The following RASGRP3 variants were observed in gnomAD, a reference collection of about 807,000 sequenced individuals.
RASGRP3 encodes RAS guanyl releasing protein 3, also known as ras guanyl-releasing protein 3.
A neutral mutation model predicts 82.7 loss-of-function variants in RASGRP3; 54 were observed. That is an observed-to-expected ratio of 0.65 (90% confidence interval 0.52 to 0.82). The LOEUF (loss-of-function observed/expected upper bound fraction) is 0.82. RASGRP3 is among the 40% of genes least tolerant of loss of function. The probability of loss-of-function intolerance (pLI) is 0.00; values close to 1 mark genes in which losing one functional copy is unlikely to be tolerated. For synonymous variants in RASGRP3, 309 were observed against 300.5 expected (o/e 1.03, Z -0.29); for missense variants, 861 against 828.9 (o/e 1.04, Z -0.48).
chr2:33,480,290 G>T (rs1005217022), intron 1 of RASGRP3, among the ~76,000 whole-genome samples: 3 of 152,088 alleles, frequency 2.0e-5, no homozygotes, highest in African/African-American at 7.2e-5. Flanking sequence ...TGATCCACCC[G>T]CCTCGGCCTC....
At chr2:33,533,365 T>C (rs1673283762) in intron 10 of RASGRP3, 1 of 152,186 alleles carries the variant, frequency 6.6e-6, no homozygotes, top group African/African-American at 2.4e-5. Context: ...CCTCCATGAA[T>C]CCATCCTGAT....
At chr2:33,555,665 G>C (rs1162019102) in intron 15 of RASGRP3, 98 bp downstream of exon 15, 1 of 1,104,328 alleles carries the variant, frequency 9.1e-7, no homozygotes, top group Non-Finnish European at 1.3e-6. Context: ...GCCATTATTC[G>C]GAATTTCAGT....
chr2:33,516,988 A>G (rs1671527810), intron 4 of RASGRP3, among the ~76,000 whole-genome samples: 1 of 152,232 alleles, frequency 6.6e-6, no homozygotes, highest in African/African-American at 2.4e-5. Context: ...TTCTTCTGGG[A>G]TGGCAAAATG....
chr2:33,437,505 G>A (rs1465147673), intron 1 of RASGRP3, among the ~76,000 whole-genome samples: 1 of 152,190 alleles, frequency 6.6e-6, no homozygotes, highest in African/African-American at 2.4e-5. Flanking sequence ...TACGGTTCTG[G>A]TGGATTATTG....
At chr2:33,526,345 C>G (rs559171562) in intron 9 of RASGRP3, among the ~76,000 whole-genome samples, 10 of 152,198 alleles carry the variant, frequency 6.6e-5, no homozygotes, top group Non-Finnish European at 1.3e-4. Flanking sequence ...TGCTGTGAAG[C>G]AACCAACGAT....
intron 13 of RASGRP3, among the ~76,000 whole-genome samples, chr2:33,548,979 G>A (rs996652117): frequency 2.6e-5 from 4 of 152,148 alleles, no homozygotes; most frequent in Non-Finnish European, 4.4e-5. Flanking sequence ...ATGAGCCACC[G>A]CACCTGGCCG....
intron 4 of RASGRP3, among the ~76,000 whole-genome samples, chr2:33,519,313 T>C (rs997856849): frequency 3.3e-5 from 5 of 152,182 alleles, no homozygotes; most frequent in Non-Finnish European, 7.3e-5. Context: ...ACAAAATCTT[T>C]TTGGTTAAAA....
intron 6 of RASGRP3, 149 bp from the exon 7 acceptor site, chr2:33,521,806 T>C: frequency 1.0e-6 from 1 of 960,114 alleles, no homozygotes; most frequent in Non-Finnish European, 1.5e-6. Flanking sequence ...AACTGGTCAG[T>C]GGTTTTCTCT....
chr2:33,460,035 A>G (rs1666272642), intron 2 of RASGRP3, among the ~76,000 whole-genome samples: 3 of 152,306 alleles, frequency 2.0e-5, no homozygotes, highest in Non-Finnish European at 2.9e-5. Flanking sequence ...AATACTCCCA[A>G]TTTTGGAACT....
intron 1 of RASGRP3, among the ~76,000 whole-genome samples, chr2:33,502,675 G>A (rs1207541088): frequency 6.6e-6 from 1 of 151,714 alleles, no homozygotes; most frequent in African/African-American, 2.4e-5. Context: ...ACCACACCCA[G>A]CTAATTTTTT....
intron 14 of RASGRP3, 50 bp downstream of exon 14, chr2:33,549,801 A>C (rs758571840): frequency 6.4e-7 from 1 of 1,557,068 alleles, no homozygotes. Context: ...TTTGTGTGGC[A>C]TTCTGAAAAA....
rs1272676724 is a variant in RASGRP3, at chr2:33,520,959, A to C, written c.368+275A>C. The stretch of plus-strand genomic sequence containing the variant: ...AAGATAGCACATGAAAGGATTTGGC[A>C]TGCAATAGATGCTCAGTGTTAGTTA... On this transcript the variant is annotated intron_variant, in intron 6 of 17. Transcript: ENST00000403687. 3.3e-5 allele frequency among the ~76,000 whole-genome samples: 5 copies of C among 152,238 alleles called. No individual in the cohort carries two copies. The East Asian group carries it at 9.6e-4, about 29-fold the overall frequency.
intron 17 of RASGRP3, among the ~76,000 whole-genome samples, chr2:33,560,834 T>C (rs1159090992): frequency 6.6e-6 from 1 of 152,242 alleles, no homozygotes; most frequent in African/African-American, 2.4e-5. Flanking sequence ...AGCTCATTAC[T>C]ATTGGCCTCT....
rs547677600 is a variant in RASGRP3 at position 33,560,510 on chromosome 2, T to C, written c.2064+1480T>C. Reference sequence around the variant, plus strand: ...TCCGTGTAAAATATACATGGACATATGGTCACTTCTGGGAAGAGGAGTCCA... The same window carrying C: ...TCCGTGTAAAATATACATGGACATACGGTCACTTCTGGGAAGAGGAGTCCA... On this transcript the variant is annotated intron_variant, in intron 17 of 17. Coordinates refer to ENST00000403687, the MANE Select transcript of RASGRP3 (RefSeq NM_001139488.2). 2.6e-5 allele frequency among the ~76,000 whole-genome samples: 4 copies of C among 152,356 alleles called. No homozygotes were observed. The East Asian group carries it at 7.7e-4, about 29-fold the overall frequency.
intron 10 of RASGRP3, among the ~76,000 whole-genome samples, chr2:33,528,048 C>A (rs1250128933): frequency 6.6e-6 from 1 of 152,184 alleles, no homozygotes; most frequent in East Asian, 1.9e-4. Context: ...CCATCCCAAC[C>A]CATCCATGTG....
At chr2:33,458,935 A>G (rs1666195043) in intron 2 of RASGRP3, among the ~76,000 whole-genome samples, 1 of 152,116 alleles carries the variant, frequency 6.6e-6, no homozygotes, top group African/African-American at 2.4e-5. Context: ...GGGCAAATAG[A>G]CTCTAACTTT....
chr2:33,437,951 C>A (rs1574204271), intron 1 of RASGRP3, among the ~76,000 whole-genome samples: 1 of 152,194 alleles, frequency 6.6e-6, no homozygotes, highest in Admixed American at 6.5e-5. Flanking sequence ...AGTTCTGAGT[C>A]CACTTTAGAT....
Position 33,519,970 on chromosome 2 carries a change from A to T in RASGRP3, c.192A>T (p.Gly64=). The T allele has an allele frequency of 6.2e-7, 1 of 1,610,468 alleles. No homozygotes were observed. Among genetic ancestry groups the T allele is most frequent in the Non-Finnish European group, 8.5e-7 (1 of 1,178,312 alleles). ...KLLCMYRNAT[G]ESCNEFRLKI... Reference sequence around the variant, plus strand: ...GGTTTACGTATCGAAATGCCACTGGAGAAAGCTGCAATGAATTTCGATTAA... The same window carrying T: ...GGTTTACGTATCGAAATGCCACTGGTGAAAGCTGCAATGAATTTCGATTAA... The change falls in exon 5 of 18, where the codon GGA becomes GGT. Residue 64 remains glycine, a synonymous_variant. Transcript: ENST00000403687.
chr2:33,464,827 C>A (rs1666596201), intron 2 of RASGRP3, among the ~76,000 whole-genome samples: 1 of 152,166 alleles, frequency 6.6e-6, no homozygotes, highest in East Asian at 1.9e-4. Flanking sequence ...TTCCAAAGCA[C>A]ACCCATATTG....
Sources: gnomAD v4.1 joint callset for allele counts (sites outside exome capture counted in the v4.1 genomes callset) on GRCh38, gnomAD v4.1.1 for gene constraint, MANE v1.5 for transcripts, NCBI Gene and HGNC (gene_info 2026-07-23, HGNC 2026-07-21) for gene names.